SOX5: variants seen among roughly 807,000 people sequenced by gnomAD.
SOX5 encodes the protein SRY-box transcription factor 5.
A neutral mutation model predicts 92.0 loss-of-function variants in SOX5; 9 were observed. The observed-to-expected ratio is 0.10, with a 90% confidence interval of 0.06 to 0.17. The LOEUF is 0.17. SOX5 is among the 10% of genes least tolerant of loss of function. The pLI is 1.00. For missense variants in SOX5, 642 were observed against 944.5 expected, an observed-to-expected ratio of 0.68 and a Z score of 4.20; for synonymous variants, 344 against 336.3, an observed-to-expected ratio of 1.02 and a Z score of -0.25.
intron 1 of SOX5, among the ~76,000 whole-genome samples, chr12:23,926,321 C>T (rs960107628): frequency 5.3e-5 from 8 of 151,940 alleles, no homozygotes; most frequent in African/African-American, 9.7e-5. Context: ...CTTTACTGGA[C>T]GTCTCAGAGT....
At chr12:24,321,824 G>A (rs780760568) in intron 2 of SOX5, among the ~76,000 whole-genome samples, 2 of 152,100 alleles carry the variant, frequency 1.3e-5, no homozygotes, top group Non-Finnish European at 2.9e-5. Context: ...GAAATTAAGC[G>A]GGGGAAAAGT....
intron 11 of SOX5, among the ~76,000 whole-genome samples, chr12:23,552,665 T>A (rs1201801249): frequency 6.6e-6 from 1 of 151,904 alleles, no homozygotes; most frequent in Non-Finnish European, 1.5e-5. Flanking sequence ...AGTTATCAGG[T>A]GAAAGATAAT....
intron 1 of SOX5, among the ~76,000 whole-genome samples, chr12:24,385,926 C>CAAAAAAAAAAAAAAAAAA (rs35813329): frequency 8.2e-5 from 6 of 73,396 alleles, no homozygotes; most frequent in Non-Finnish European, 1.3e-4. Flanking sequence ...GACCTTGTCA[C>CAAAAAAAAAAAAAAAAAA]AAAAAAAAAA....
chr12:24,066,225 T>C (rs546474716), intron 4 of SOX5, among the ~76,000 whole-genome samples: 29 of 152,342 alleles, frequency 1.9e-4, no homozygotes, highest in Admixed American at 1.2e-3. Context: ...GATACATGCA[T>C]ACAGGTCTTA....
At chr12:24,168,520 G>A (rs753919964) in intron 4 of SOX5, among the ~76,000 whole-genome samples, 3 of 152,000 alleles carry the variant, frequency 2.0e-5, no homozygotes, top group African/African-American at 7.3e-5. Flanking sequence ...ATTTATTTTA[G>A]AGGATGGTTT....
intron 1 of SOX5, among the ~76,000 whole-genome samples, chr12:24,418,654 G>T (rs1190615969): frequency 6.6e-6 from 1 of 152,166 alleles, no homozygotes; most frequent in Non-Finnish European, 1.5e-5. Flanking sequence ...ATTGGAAAAG[G>T]CCAGCCCAAT....
At chr12:23,716,980 G>A (rs2092540978) in intron 6 of SOX5, among the ~76,000 whole-genome samples, 1 of 152,094 alleles carries the variant, frequency 6.6e-6, no homozygotes, top group Non-Finnish European at 1.5e-5. Flanking sequence ...TCCTGTGCTT[G>A]GCTCTTCCAA....
In SOX5 at chr12:24,242,763, C is replaced by T. The variant is rs548452089; in HGVS notation, c.-76-29346G>A. On this transcript the variant is annotated intron_variant, in intron 3 of 4. Coordinates refer to the SOX5 transcript ENST00000446891. ...GAAGCAGATCCTCATGTATAGTTAG[C>T]GAGAGTGTAAACTTGTACACTTTCT... 4.6e-5 allele frequency among the ~76,000 whole-genome samples: 7 copies of T among 152,174 alleles called. No homozygotes were observed. In the East Asian group the frequency reaches 5.8e-4, roughly 13 times the overall value.
chr12:23,713,718 T>C (rs2092264623), intron 6 of SOX5, among the ~76,000 whole-genome samples: 1 of 148,088 alleles, frequency 6.8e-6, no homozygotes, highest in Non-Finnish European at 1.5e-5. Context: ...TATATATATA[T>C]ATCTTTTATA....
chr12:24,269,688 C>CTTTTTTTTT (rs58098308), intron 3 of SOX5, among the ~76,000 whole-genome samples: 3 of 116,726 alleles, frequency 2.6e-5, no homozygotes, highest in Non-Finnish European at 5.1e-5. Flanking sequence ...TATTTTTATT[C>CTTTTTTTTT]TTTTTTTTTT....
intron 1 of SOX5, among the ~76,000 whole-genome samples, chr12:24,450,199 C>T (rs1245996294): frequency 6.6e-6 from 1 of 152,072 alleles, no homozygotes; most frequent in Non-Finnish European, 1.5e-5. Context: ...GCAAAATATA[C>T]CTACTTTTAG....
intron 2 of SOX5, among the ~76,000 whole-genome samples, chr12:24,347,047 C>T (rs1222017791): frequency 6.6e-6 from 1 of 152,136 alleles, no homozygotes; most frequent in Non-Finnish European, 1.5e-5. Context: ...TTGTGGTATA[C>T]AACCTGATGT....
chr12:23,584,889 A>G (rs1460048932), intron 9 of SOX5, among the ~76,000 whole-genome samples: 1 of 152,090 alleles, frequency 6.6e-6, no homozygotes, highest in East Asian at 1.9e-4. Context: ...GTTTTCTTGA[A>G]CATCTCGTGG....
At position 23,546,927 on chromosome 12, in the gene SOX5, C is replaced by T. The variant is rs191809792; in HGVS notation, c.1489-503G>A. Among the ~76,000 whole-genome samples, 578 of 152,190 alleles carry T rather than the reference C, an allele frequency of 3.8e-3. 17 individuals are homozygous for T. Among genetic ancestry groups the T allele is most frequent in the Admixed American group, 0.034 (522 of 15,270 alleles). On this transcript the variant is annotated intron_variant, in intron 11 of 14. Coordinates refer to ENST00000451604, the MANE Select transcript of SOX5 (RefSeq NM_006940.6). ...ATTCCTCATGCAAGGGTAATGAAGACGTTTAAATATTCATTGCTAATTGCT... is the reference window on the plus strand; with the variant it reads ...ATTCCTCATGCAAGGGTAATGAAGATGTTTAAATATTCATTGCTAATTGCT...
At chr12:24,430,014 G>A (rs1937975933) in intron 1 of SOX5, among the ~76,000 whole-genome samples, 1 of 152,088 alleles carries the variant, frequency 6.6e-6, no homozygotes. Context: ...TATTAGCACA[G>A]TTTTTAACCT....
At chr12:23,811,986 ATAGT>A (rs1344393545) in intron 3 of SOX5, among the ~76,000 whole-genome samples, 3 of 152,114 alleles carry the variant, frequency 2.0e-5, no homozygotes, top group Non-Finnish European at 4.4e-5. Context: ...TCATTAACTT[ATAGT>A]TAGTTACTAT....
chr12:24,390,217 C>T (rs78526516), intron 1 of SOX5, among the ~76,000 whole-genome samples: 3,918 of 152,192 alleles, frequency 0.026, 73 homozygotes, highest in East Asian at 0.047. Flanking sequence ...ATTTTACACA[C>T]GTAACATTAT....
chr12:24,068,990 GAAA>G (rs777019850), intron 4 of SOX5, among the ~76,000 whole-genome samples: 7 of 138,714 alleles, frequency 5.0e-5, no homozygotes, highest in Admixed American at 1.5e-4. Context: ...AGGAATTTGG[GAAA>G]AAAAAAAAAA....
chr12:24,437,556 C>A (rs947482851), intron 1 of SOX5, among the ~76,000 whole-genome samples: 17 of 152,168 alleles, frequency 1.1e-4, no homozygotes, highest in Admixed American at 6.6e-4. Flanking sequence ...GGGCTAATAT[C>A]CAGAATCTAC....
Sources: gnomAD v4.1 joint callset for allele counts (sites outside exome capture counted in the v4.1 genomes callset) on GRCh38, gnomAD v4.1.1 for gene constraint, MANE v1.5 for transcripts, NCBI Gene and HGNC (gene_info 2026-07-23, HGNC 2026-07-21) for gene names.